MAPRE2: variants seen among roughly 807,000 people sequenced by gnomAD.
MAPRE2 encodes the protein microtubule-associated protein RP/EB family member 2.
In MAPRE2, 13 loss-of-function variants were observed where a neutral mutation model predicts 43.2. The ratio of observed to expected loss-of-function variants is 0.30; its 90% CI spans 0.20 to 0.48. The LOEUF (loss-of-function observed/expected upper bound fraction) is 0.48, where lower values mean the gene tolerates loss of function less well. MAPRE2 is among the 20% of genes least tolerant of loss of function. The probability of loss-of-function intolerance (pLI) is 0.99; values close to 1 mark genes in which losing one functional copy is unlikely to be tolerated. For missense variants in MAPRE2, 161 were observed against 400.2 expected (o/e 0.40, Z 5.10); for synonymous variants, 135 against 148.8 (o/e 0.91, Z 0.68).
chr18:35,074,200 A>C (rs1355765719), intron 2 of MAPRE2, among the ~76,000 whole-genome samples: 1 of 152,220 alleles, frequency 6.6e-6, no homozygotes, highest in Non-Finnish European at 1.5e-5. Flanking sequence ...AGAAGGTTGA[A>C]CCACATGTAG....
At chr18:34,994,617 C>A (rs2150575996) in intron 1 of MAPRE2, among the ~76,000 whole-genome samples, 1 of 152,210 alleles carries the variant, frequency 6.6e-6, no homozygotes, top group East Asian at 1.9e-4. Flanking sequence ...TCTGTTTAAG[C>A]TGTTAGTTTT....
intron 2 of MAPRE2, among the ~76,000 whole-genome samples, chr18:35,090,425 T>C (rs1908089462): frequency 6.6e-6 from 1 of 152,016 alleles, no homozygotes; most frequent in Non-Finnish European, 1.5e-5. Flanking sequence ...ATGAAAGGCA[T>C]CCAAATTAGA....
intron 1 of MAPRE2, among the ~76,000 whole-genome samples, chr18:35,064,451 C>T (rs1906734706): frequency 6.6e-6 from 1 of 152,016 alleles, no homozygotes; most frequent in South Asian, 2.1e-4. Flanking sequence ...AGGGGTGGGG[C>T]AGGGCAGAGA....
At chr18:35,041,708 G>A in intron 1 of MAPRE2, 47 bp downstream of exon 1, 1 of 1,613,360 alleles carries the variant, frequency 6.2e-7, no homozygotes, top group Non-Finnish European at 8.5e-7. Context: ...CCGTGAGGGC[G>A]CGCGGAAATC....
At chr18:35,097,359 A>G (rs1417732491) in intron 2 of MAPRE2, 87 bp from the exon 3 acceptor site, 2 of 1,239,422 alleles carry the variant, frequency 1.6e-6, no homozygotes, top group Non-Finnish European at 2.3e-6. Context: ...TGGTGCCTGT[A>G]AGGACAATCC....
chr18:34,989,106 A>T (rs1200481165), intron 1 of MAPRE2, among the ~76,000 whole-genome samples: 1 of 152,174 alleles, frequency 6.6e-6, no homozygotes, highest in Admixed American at 6.5e-5. Flanking sequence ...TAATAAACAT[A>T]AGTTCATTAG....
chr18:35,097,768 A>C (rs1365439453), intron 3 of MAPRE2, among the ~76,000 whole-genome samples, 177 bp downstream of exon 3: 2 of 152,168 alleles, frequency 1.3e-5, no homozygotes, highest in Non-Finnish European at 2.9e-5. Context: ...TGAGGTTTTC[A>C]TTTCAGATTT....
chr18:35,051,165 A>G (rs796400688), intron 1 of MAPRE2, among the ~76,000 whole-genome samples: 2 of 152,030 alleles, frequency 1.3e-5, no homozygotes, highest in African/African-American at 4.8e-5. Flanking sequence ...CTGCCTCCCT[A>G]CCCCCACCCC....
chr18:35,100,355 T>G (rs1908618437), intron 3 of MAPRE2, among the ~76,000 whole-genome samples: 1 of 152,242 alleles, frequency 6.6e-6, no homozygotes, highest in South Asian at 2.1e-4. Context: ...AAGGGAATGC[T>G]TATACACTGT....
intron 1 of MAPRE2, among the ~76,000 whole-genome samples, chr18:35,060,553 G>A (rs577838416): frequency 1.5e-4 from 23 of 152,240 alleles, no homozygotes; most frequent in African/African-American, 5.1e-4. Context: ...CATATCCATG[G>A]ACGTTATGAA....
chr18:35,096,109 G>A (rs9967224), intron 2 of MAPRE2, among the ~76,000 whole-genome samples: 262 of 152,112 alleles, frequency 1.7e-3, no homozygotes, highest in African/African-American at 5.0e-3. Context: ...CTCAGTAAAG[G>A]ATGCCTAACC....
intron 3 of MAPRE2, among the ~76,000 whole-genome samples, chr18:35,101,663 T>C (rs1908686747): frequency 6.6e-6 from 1 of 152,208 alleles, no homozygotes; most frequent in South Asian, 2.1e-4. Context: ...GCCTGGCTTA[T>C]TTCACTTAGC....
chr18:34,985,044 AAAATATATTATATAATATAT>A (rs2097018730), intron 1 of MAPRE2, among the ~76,000 whole-genome samples: 2 of 52,452 alleles, frequency 3.8e-5, no homozygotes, highest in African/African-American at 1.7e-4. Context: ...TATAATATAT[AAAATATATTATATAATATAT>A]AAAATAAAAT....
At chr18:35,011,010 G>GTAT (rs1385285572) in intron 2 of MAPRE2, among the ~76,000 whole-genome samples, 1 of 152,138 alleles carries the variant, frequency 6.6e-6, no homozygotes, top group African/African-American at 2.4e-5. Flanking sequence ...TATGTATCAG[G>GTAT]TATTAAGCTT....
intron 2 of MAPRE2, among the ~76,000 whole-genome samples, chr18:35,092,457 C>G (rs761466040): frequency 6.6e-6 from 1 of 152,088 alleles, no homozygotes; most frequent in African/African-American, 2.4e-5. Context: ...ATACAAAAAT[C>G]AACTCAAAAT....
chr18:35,005,573 C>T (rs759101317), intron 2 of MAPRE2: 7 of 1,446,386 alleles, frequency 4.8e-6, no homozygotes, highest in Middle Eastern at 1.7e-4. Context: ...ATATAAATTA[C>T]GTTGCATGAC....
At chr18:35,028,882 T>C (rs2097046531) in intron 2 of MAPRE2, among the ~76,000 whole-genome samples, 1 of 152,210 alleles carries the variant, frequency 6.6e-6, no homozygotes, top group African/African-American at 2.4e-5. Context: ...CAAGCATTGA[T>C]TCTAGATCTA....
intron 1 of MAPRE2, among the ~76,000 whole-genome samples, chr18:34,994,567 C>T (rs181804721): frequency 6.6e-5 from 10 of 152,110 alleles, no homozygotes; most frequent in South Asian, 2.1e-4. Context: ...TCATCGAGGC[C>T]GCATCCACAT....
At chr18:35,082,346 G>A (rs1464269627) in intron 2 of MAPRE2, 1 of 151,530 alleles carries the variant, frequency 6.6e-6, no homozygotes, top group African/African-American at 2.4e-5. Context: ...CTTAAAAATG[G>A]CATTCTCTAA....
Sources: allele counts gnomAD v4.1 joint callset (sites outside exome capture counted in the v4.1 genomes callset), GRCh38; gene constraint gnomAD v4.1.1; transcripts MANE v1.5; gene names NCBI Gene and HGNC (gene_info 2026-07-23, HGNC 2026-07-21).